RPS6KC1: variants seen among roughly 807,000 people sequenced by gnomAD.
RPS6KC1 encodes inactive ribosomal protein S6 kinase delta-1.
RPS6KC1 carries 54 observed loss-of-function variants against 103.8 expected under a neutral mutation model. The ratio of observed to expected loss-of-function variants is 0.52; its 90% confidence interval spans 0.42 to 0.65. The LOEUF is 0.65. Ranked by LOEUF, RPS6KC1 falls within the 30% of genes least tolerant of loss-of-function variation. The probability of loss-of-function intolerance (pLI) is 0.00; values close to 1 mark genes in which losing one functional copy is unlikely to be tolerated. For synonymous variants in RPS6KC1, 439 were observed against 438.7 expected (o/e 1.00, Z -0.01); for missense variants, 1,151 against 1,253.8 (o/e 0.92, Z 1.24).
chr1:213,852,038 C>T, the RPS6KC1 span, among the ~76,000 whole-genome samples: 2 of 152,168 alleles, frequency 1.3e-5, no homozygotes, highest in African/African-American at 2.4e-5. Flanking sequence ...GGCTTTCTTT[C>T]CCACATACTG....
the RPS6KC1 span, among the ~76,000 whole-genome samples, chr1:213,523,435 A>G: frequency 2.0e-5 from 3 of 152,222 alleles, no homozygotes; most frequent in African/African-American, 7.2e-5. Flanking sequence ...TTCTTGATGC[A>G]GGGTTGCCAC....
At chr1:213,673,758 T>G in the RPS6KC1 span, among the ~76,000 whole-genome samples, 2 of 152,346 alleles carry the variant, frequency 1.3e-5, no homozygotes, top group African/African-American at 4.8e-5. Flanking sequence ...TACCATTTAG[T>G]GTGAATTGGG....
At chr1:213,219,657 C>T (rs1032075771) in intron 8 of RPS6KC1, among the ~76,000 whole-genome samples, 2 of 152,170 alleles carry the variant, frequency 1.3e-5, no homozygotes, top group Non-Finnish European at 2.9e-5. Flanking sequence ...GGCACATATA[C>T]ACCATGGAGT....
chr1:213,181,903 A>G (rs920122893), intron 8 of RPS6KC1, among the ~76,000 whole-genome samples: 8 of 152,242 alleles, frequency 5.3e-5, no homozygotes, highest in Non-Finnish European at 1.2e-4. Context: ...AAGAAAGAAC[A>G]TTGGAGAGGG....
chr1:213,457,316 G>A, the RPS6KC1 span, among the ~76,000 whole-genome samples: 8 of 152,322 alleles, frequency 5.3e-5, no homozygotes, highest in South Asian at 2.1e-4. Flanking sequence ...CTGGCTGACC[G>A]TGCTCTCTGG....
At chr1:213,567,004 C>A in the RPS6KC1 span, among the ~76,000 whole-genome samples, 2 of 152,282 alleles carry the variant, frequency 1.3e-5, no homozygotes, top group East Asian at 3.9e-4. Flanking sequence ...GGACATTTAT[C>A]TGAAGGACTC....
chr1:213,669,316 T>A, the RPS6KC1 span, among the ~76,000 whole-genome samples: 354 of 152,202 alleles, frequency 2.3e-3, 1 homozygote, highest in African/African-American at 7.9e-3. Flanking sequence ...TCAGTACTGT[T>A]GTTTTTAGGG....
chr1:213,512,535 C>T, the RPS6KC1 span, among the ~76,000 whole-genome samples: 2 of 152,136 alleles, frequency 1.3e-5, no homozygotes, highest in African/African-American at 4.8e-5. Flanking sequence ...TGCTTTAGCC[C>T]ATTAGTCGAC....
At chr1:213,388,314 C>T in the RPS6KC1 span, among the ~76,000 whole-genome samples, 1 of 152,200 alleles carries the variant, frequency 6.6e-6, no homozygotes. Flanking sequence ...GCCTATTGTC[C>T]CTGCTGCGGC....
chr1:213,369,247 C>A, the RPS6KC1 span, among the ~76,000 whole-genome samples: 1 of 152,324 alleles, frequency 6.6e-6, no homozygotes, highest in East Asian at 1.9e-4. Flanking sequence ...TTTTCTCATA[C>A]CTTCCTGCAC....
the RPS6KC1 span, among the ~76,000 whole-genome samples, chr1:213,676,717 T>TAA: frequency 6.6e-6 from 1 of 152,188 alleles, no homozygotes; most frequent in South Asian, 2.1e-4. Flanking sequence ...AAAGTGGAAC[T>TAA]AAAAATGGGG....
intron 10 of RPS6KC1, among the ~76,000 whole-genome samples, chr1:213,235,524 C>A (rs1215078941): frequency 6.6e-6 from 1 of 151,982 alleles, no homozygotes; most frequent in African/African-American, 2.4e-5. Context: ...GGACATTTGA[C>A]CAGAGACCTT....
chr1:213,706,339 G>T, the RPS6KC1 span, among the ~76,000 whole-genome samples: 102 of 152,216 alleles, frequency 6.7e-4, 1 homozygote, highest in South Asian at 1.2e-3. Context: ...AGCTAGGTTT[G>T]GTTTTGTTTT....
the RPS6KC1 span, among the ~76,000 whole-genome samples, chr1:213,583,420 G>A: frequency 4.6e-5 from 7 of 152,298 alleles, 1 homozygote; most frequent in African/African-American, 1.7e-4. Context: ...GAGCTCTACA[G>A]ATTGGGAGTC....
At chr1:213,698,346 T>A in the RPS6KC1 span, among the ~76,000 whole-genome samples, 2 of 152,342 alleles carry the variant, frequency 1.3e-5, no homozygotes, top group African/African-American at 4.8e-5. Flanking sequence ...CTTCTTAAGT[T>A]CTTGCATCCT....
chr1:213,861,809 A>G, the RPS6KC1 span, among the ~76,000 whole-genome samples: 8 of 152,314 alleles, frequency 5.3e-5, no homozygotes, highest in East Asian at 1.5e-3. Flanking sequence ...ATCTTAATAA[A>G]TGCTTTTGCT....
chr1:213,551,387 G>A, the RPS6KC1 span, among the ~76,000 whole-genome samples: 1 of 152,118 alleles, frequency 6.6e-6, no homozygotes, highest in Non-Finnish European at 1.5e-5. Flanking sequence ...AGCCCTCCAC[G>A]GTGGTACCTG....
chr1:213,350,339 T>C, the RPS6KC1 span, among the ~76,000 whole-genome samples: 2 of 152,198 alleles, frequency 1.3e-5, no homozygotes, highest in Non-Finnish European at 2.9e-5. Flanking sequence ...TTCTGATGTT[T>C]TGAAAATCAG....
At chr1:213,631,292 T>C in the RPS6KC1 span, among the ~76,000 whole-genome samples, 1 of 151,788 alleles carries the variant, frequency 6.6e-6, no homozygotes, top group Non-Finnish European at 1.5e-5. Context: ...TCACCCATCT[T>C]CTGTGTCGTT....
Sources: gnomAD v4.1 joint callset for allele counts (sites outside exome capture counted in the v4.1 genomes callset) on GRCh38, gnomAD v4.1.1 for gene constraint, MANE v1.5 for transcripts, NCBI Gene and HGNC (gene_info 2026-07-23, HGNC 2026-07-21) for gene names.